OTUD4: variants seen among roughly 807,000 people sequenced by gnomAD.
OTUD4 encodes OTU deubiquitinase 4, also known as OTU domain-containing protein 4.
Under a neutral mutation model 130.4 loss-of-function variants are expected in OTUD4, and 24 were observed. The observed-to-expected ratio is 0.18, with a 90% CI of 0.13 to 0.26. The LOEUF is 0.26. OTUD4 is among the 10% of genes least tolerant of loss of function. The pLI, the probability that OTUD4 is intolerant of heterozygous loss-of-function variation, is 1.00. For missense variants in OTUD4, 1,031 were observed against 1,329.4 expected (o/e 0.78, Z 3.49); for synonymous variants, 420 against 472.5 (o/e 0.89, Z 1.44).
intron 14 of OTUD4, 50 bp downstream of exon 14, chr4:145,146,217 T>C (rs1443648169): frequency 7.8e-7 from 1 of 1,279,364 alleles, no homozygotes; most frequent in Non-Finnish European, 1.0e-6. Context: ...AAAAACTATA[T>C]TAAGAGAAAC....
chr4:145,146,785 T>G (rs1750849614), intron 13 of OTUD4, among the ~76,000 whole-genome samples: 1 of 152,144 alleles, frequency 6.6e-6, no homozygotes, highest in South Asian at 2.1e-4. Flanking sequence ...TATTCCAATA[T>G]TTTCATTAAG....
rs959681077 is a variant in OTUD4, at chr4:145,180,404, C to CT, written c.-432dup. ...TGGGCCGGCTCAGGTGAAGCGGGGC[C>CT]TGCGCCCCCGCGCACTCCCCACGCC... On this transcript the variant is annotated 5_prime_UTR_variant, in exon 1 of 21. Transcript: ENST00000447906. Among the ~76,000 whole-genome samples the CT allele has an allele frequency of 2.3e-4, 35 of 152,316 alleles. No individual in the cohort carries two copies. The highest frequency in any genetic ancestry group is 7.5e-4 in the African/African-American group (31 of 41,590).
chr4:145,145,975 T>C, intron 14 of OTUD4: 2 of 191,072 alleles, frequency 1.0e-5, no homozygotes, highest in Non-Finnish European at 2.1e-5. Context: ...CACAGTACTT[T>C]TGCTAACAAA....
chr4:145,176,742 C>T (rs1255785206), intron 1 of OTUD4, among the ~76,000 whole-genome samples: 4 of 151,996 alleles, frequency 2.6e-5, no homozygotes, highest in Non-Finnish European at 4.4e-5. Context: ...TCTCCCTTTA[C>T]GTTTAGCATG....
chr4:145,180,117 C>G lies in OTUD4; in HGVS notation c.-144G>C, dbSNP rs1417142255. 2 of 469,638 alleles carry G rather than the reference C, an allele frequency of 4.3e-6. No individual in the cohort carries two copies. The highest frequency in any genetic ancestry group is 5.8e-6 in the Non-Finnish European group (2 of 345,760). 29.1% of individuals were successfully genotyped at this position (469,638 alleles called of 1,614,324 possible). A position where few individuals can be genotyped will look rare whatever the true frequency, so the allele number is the denominator to read the frequency against. On this transcript the variant is annotated 5_prime_UTR_variant, in exon 1 of 21. Coordinates refer to ENST00000447906, the MANE Select transcript of OTUD4 (RefSeq NM_001366057.1). ...CGAGCGGCGGCAGGCGGCGGCGGCC[C>G]GAGGCAGCGGTCCGCGCTCTCCGGG... is the stretch of plus-strand genomic sequence containing the variant.
chr4:145,162,101 T>C (rs888736492), intron 6 of OTUD4, among the ~76,000 whole-genome samples: 1 of 152,180 alleles, frequency 6.6e-6, no homozygotes, highest in African/African-American at 2.4e-5. Context: ...GCCTCCCAAG[T>C]AGTTGGGACC....
At chr4:145,146,221 G>A (rs1003546931) in intron 14 of OTUD4, 46 bp downstream of exon 14, 10 of 1,321,240 alleles carry the variant, frequency 7.6e-6, no homozygotes, top group Non-Finnish European at 1.0e-5. Context: ...ACTATATTAA[G>A]AGAAACTTCT....
At chr4:145,167,573 T>C (rs1240017558) in intron 3 of OTUD4, among the ~76,000 whole-genome samples, 7 of 152,176 alleles carry the variant, frequency 4.6e-5, no homozygotes, top group Non-Finnish European at 8.8e-5. Context: ...AATGAAAAAT[T>C]CTGCCAGGCA....
At chr4:145,144,847 G>A (rs1228477099) in intron 14 of OTUD4, among the ~76,000 whole-genome samples, 1 of 152,080 alleles carries the variant, frequency 6.6e-6, no homozygotes, top group Non-Finnish European at 1.5e-5. Context: ...AGCAAATACA[G>A]TGCACTAGGA....
In OTUD4 at chr4:145,176,888, A is replaced by G. The variant is rs183687586; in HGVS notation, c.160-2144T>C. 7.9e-5 allele frequency among the ~76,000 whole-genome samples: 12 copies of G among 152,304 alleles called. No homozygotes were observed. In the East Asian group the frequency reaches 2.3e-3, roughly 29 times the overall value. The stretch of plus-strand genomic sequence containing the variant: ...AGTATGTCCTATTACGCTGAGATAC[A>G]CTGAAAATGCACCTGTTGAGGTTAG... On this transcript the variant is annotated intron_variant, in intron 1 of 20. Coordinates refer to ENST00000447906, the MANE Select transcript of OTUD4 (RefSeq NM_001366057.1).
chr4:145,166,909 C>G (rs1483229995), intron 3 of OTUD4, among the ~76,000 whole-genome samples: 6 of 152,072 alleles, frequency 3.9e-5, no homozygotes, highest in African/African-American at 1.4e-4. Context: ...TGAGGTATAA[C>G]CACATGAAAT....
chr4:145,165,697 A>AGGTGATCC (rs1443984692), intron 3 of OTUD4, among the ~76,000 whole-genome samples: 3 of 151,726 alleles, frequency 2.0e-5, no homozygotes, highest in Non-Finnish European at 4.4e-5. Flanking sequence ...GGCTGGTCTC[A>AGGTGATCC]ACTACTGACC....
intron 5 of OTUD4, among the ~76,000 whole-genome samples, chr4:145,163,435 C>CGTGT (rs1179212330): frequency 4.6e-5 from 7 of 152,052 alleles, no homozygotes; most frequent in Non-Finnish European, 8.8e-5. Flanking sequence ...GATAATGCAA[C>CGTGT]GACACCCTTG....
intron 6 of OTUD4, among the ~76,000 whole-genome samples, chr4:145,161,688 A>G (rs912002399): frequency 2.0e-5 from 3 of 152,180 alleles, no homozygotes; most frequent in Non-Finnish European, 4.4e-5. Context: ...ACTAGGTAGA[A>G]GCCAAGGATG....
At chr4:145,174,047 A>G (rs958498634) in intron 2 of OTUD4, among the ~76,000 whole-genome samples, 2 of 144,602 alleles carry the variant, frequency 1.4e-5, no homozygotes, top group African/African-American at 2.6e-5. Flanking sequence ...TCACTCTGTC[A>G]CCCAGGCTGT....
In OTUD4 at chr4:145,135,716, A is replaced by C. The variant is rs1474938513; in HGVS notation, c.*1714T>G. 6.6e-6 allele frequency: 1 copy of C among 152,660 alleles called. No homozygotes were observed. The highest frequency in any genetic ancestry group is 2.4e-5 in the African/African-American group (1 of 41,460). The allele number at this position is 152,660 out of a possible 1,614,324, so 9.5% of individuals were successfully genotyped here. A position where few individuals can be genotyped will look rare whatever the true frequency, so the allele number is the denominator to read the frequency against. On this transcript the variant is annotated 3_prime_UTR_variant, in exon 21 of 21. Transcript: ENST00000447906. ...CAATTTTTTACCTAGCACCATCATA[A>C]TAAAATGTTATCTTTCAAAGTGCTC...
At position 145,147,701 on chromosome 4, in the gene OTUD4, G is replaced by A. The variant is rs553242804; in HGVS notation, c.1260-1272C>T. Among the ~76,000 whole-genome samples the A allele has an allele frequency of 3.3e-5, 5 of 152,246 alleles. No homozygotes were observed. In the South Asian group the frequency reaches 6.2e-4, roughly 19 times the overall value. On this transcript the variant is annotated intron_variant, in intron 13 of 20. Transcript: ENST00000447906. ...GTTATATTCTGTGTTTTCTCCACAGGAAGAGACAATTATCAATGAAGAAAA... is the reference window on the plus strand; with the variant it reads ...GTTATATTCTGTGTTTTCTCCACAGAAAGAGACAATTATCAATGAAGAAAA...
At chr4:145,174,614 G>C in intron 2 of OTUD4, 47 bp downstream of exon 2, 1 of 1,104,782 alleles carries the variant, frequency 9.1e-7, no homozygotes, top group South Asian at 1.2e-5. Context: ...AAGCCAAAAT[G>C]TAAAACCAAG....
At position 145,152,512 on chromosome 4, in the gene OTUD4, A is replaced by C. The variant is rs115940805; in HGVS notation, c.968+29T>G. ...GATTAGGCTAAATGGAGGAGGCAGT[A>C]AATGCCTTAGCTGAAGAGTAGTACA... On this transcript the variant is annotated intron_variant, in intron 11 of 20. Coordinates refer to ENST00000447906, the MANE Select transcript of OTUD4 (RefSeq NM_001366057.1). The C allele has an allele frequency of 5.9e-4, 730 of 1,241,400 alleles. 1 individual carries two copies. The African/African-American group carries it at 8.7e-3, about 15-fold the overall frequency. The allele number at this position is 1,241,400 out of a possible 1,614,324, so 76.9% of individuals were successfully genotyped here.
Sources: allele counts gnomAD v4.1 joint callset (sites outside exome capture counted in the v4.1 genomes callset), GRCh38; gene constraint gnomAD v4.1.1; transcripts MANE v1.5; gene names NCBI Gene and HGNC (gene_info 2026-07-23, HGNC 2026-07-21).